The following ABL1 variants were observed in gnomAD, a reference collection of about 807,000 sequenced individuals.
The protein encoded by ABL1 is ABL proto-oncogene 1, non-receptor tyrosine kinase.
A neutral mutation model predicts 94.7 loss-of-function variants in ABL1; 11 were observed. The observed-to-expected ratio is 0.12, with a 90% CI of 0.07 to 0.19. The LOEUF (loss-of-function observed/expected upper bound fraction) is 0.19. Ranked by LOEUF, ABL1 falls within the 10% of genes least tolerant of loss-of-function variation. The probability of loss-of-function intolerance (pLI) is 1.00; values close to 1 mark genes in which losing one functional copy is unlikely to be tolerated. For synonymous variants in ABL1, 656 were observed against 622.4 expected (o/e 1.05, Z -0.80); for missense variants, 1,082 against 1,489.4 (o/e 0.73, Z 4.50).
chr9:130,730,431 G>T (rs1253752195), intron 1 of ABL1, among the ~76,000 whole-genome samples: 1 of 152,120 alleles, frequency 6.6e-6, no homozygotes, highest in Non-Finnish European at 1.5e-5. Flanking sequence ...GACTCATGAG[G>T]TTAAGCACCT....
At chr9:130,845,342 CCTTT>C (rs1830748465) in intron 1 of ABL1, among the ~76,000 whole-genome samples, 3 of 151,924 alleles carry the variant, frequency 2.0e-5, no homozygotes, top group Admixed American at 2.0e-4. Context: ...CAAATCTTAA[CCTTT>C]CTTTTTTTTT....
chr9:130,797,414 G>T (rs1588242534), intron 1 of ABL1, among the ~76,000 whole-genome samples: 1 of 152,158 alleles, frequency 6.6e-6, no homozygotes, highest in East Asian at 1.9e-4. Context: ...TCGCTCTATT[G>T]CCCAGGCTAG....
intron 1 of ABL1, among the ~76,000 whole-genome samples, chr9:130,838,791 C>G (rs1165636545): frequency 2.6e-5 from 4 of 152,246 alleles, no homozygotes; most frequent in African/African-American, 9.6e-5. Context: ...TTCATTTGTT[C>G]ATGTGTTTGT....
At chr9:130,750,921 A>G (rs1831957012) in intron 1 of ABL1, among the ~76,000 whole-genome samples, 1 of 151,524 alleles carries the variant, frequency 6.6e-6, no homozygotes, top group Admixed American at 6.6e-5. Context: ...CTGGGATTCC[A>G]GGTGTGAGCC....
chr9:130,714,060 C>G (rs1249519839), exon 1 of ABL1: 2 of 364,216 alleles, frequency 5.5e-6, no homozygotes, highest in Admixed American at 4.4e-5. Flanking sequence ...TAAAACAAAT[C>G]AAGAAACTTT....
chr9:130,873,209 C>G (rs1480492326), intron 6 of ABL1, among the ~76,000 whole-genome samples, 172 bp downstream of exon 6: 2 of 152,236 alleles, frequency 1.3e-5, no homozygotes, highest in Non-Finnish European at 2.9e-5. Context: ...GCAAAGCCAG[C>G]TTTGGGCATG....
chr9:130,854,103 A>G lies in ABL1; in HGVS notation c.119A>G (p.Gln40Arg), dbSNP rs2132956182. The change falls in exon 2 of 11, where the codon CAG becomes CGG. Residue 40 changes from glutamine (Q) to arginine (R), a missense_variant. Around this residue, in one of 7 missense-constraint regions of ABL1, gnomAD observed 65 missense variants for 80.8 expected, o/e 0.80. Transcript: ENST00000318560. ...QRPVASDFEP[Q>R]GLSEAARWNS... Reference sequence around the variant, plus strand: ...CCAGTAGCATCTGACTTTGAGCCTCAGGGTCTGAGTGAAGCCGCTCGTTGG... The same window carrying G: ...CCAGTAGCATCTGACTTTGAGCCTCGGGGTCTGAGTGAAGCCGCTCGTTGG... 1 of 1,614,038 alleles carries G rather than the reference A, an allele frequency of 6.2e-7. No homozygotes were observed. The highest frequency in any genetic ancestry group is 8.5e-7 in the Non-Finnish European group (1 of 1,180,004).
chr9:130,846,500 C>T (rs749394297), intron 1 of ABL1, among the ~76,000 whole-genome samples: 11 of 152,228 alleles, frequency 7.2e-5, no homozygotes, highest in Non-Finnish European at 1.2e-4. Context: ...ACGTTTGTCA[C>T]GTCTGACATG....
intron 3 of ABL1, among the ~76,000 whole-genome samples, chr9:130,856,521 C>A (rs576163688): frequency 6.6e-6 from 1 of 152,070 alleles, no homozygotes; most frequent in African/African-American, 2.4e-5. Flanking sequence ...TGTGCCCAGC[C>A]TATATTTTTT....
chr9:130,878,469 G>T lies in ABL1; in HGVS notation c.1325G>T (p.Gly442Val). Reference protein sequence around the residue: ...IATYGMSPYPGIDLSQVYELL... With the variant: ...IATYGMSPYPVIDLSQVYELL... ...ACCTATGGCATGTCCCCTTACCCGG[G>T]AATTGACCTGTCCCAGGTGTATGAG... The change falls in exon 8 of 11, where the codon GGA (glycine) becomes GTA (valine). Residue 442 changes from glycine (G) to valine (V), a missense_variant. Gly to Val is a moderately radical substitution (Grantham distance 109, BLOSUM62 -3). This residue lies in a region of ABL1 where 76 missense variants were observed against 177.1 expected (regional missense o/e 0.43). Coordinates refer to ENST00000318560, the MANE Select transcript of ABL1 (RefSeq NM_005157.6). 6.2e-7 allele frequency: 1 copy of T among 1,614,228 alleles called. No homozygotes were observed. Among genetic ancestry groups the T allele is most frequent in the Non-Finnish European group, 8.5e-7 (1 of 1,180,028 alleles).
chr9:130,876,025 A>T (rs1831335912), intron 7 of ABL1, among the ~76,000 whole-genome samples: 1 of 152,088 alleles, frequency 6.6e-6, no homozygotes, highest in Non-Finnish European at 1.5e-5. Flanking sequence ...ACGGGGTTTT[A>T]CCATGTTGGC....
At chr9:130,832,067 T>C (rs953977202), upstream of ABL1, among the ~76,000 whole-genome samples, 4 of 152,244 alleles carry the variant, frequency 2.6e-5, no homozygotes, top group African/African-American at 9.6e-5. Flanking sequence ...ATTATGCTTT[T>C]AGAAACATTG....
chr9:130,733,575 CTT>C (rs35185474), intron 1 of ABL1, among the ~76,000 whole-genome samples: 5 of 103,190 alleles, frequency 4.8e-5, no homozygotes, highest in East Asian at 6.2e-4. Context: ...CTGTAAAGCA[CTT>C]TTTTTTTTTT....
intron 1 of ABL1, among the ~76,000 whole-genome samples, chr9:130,736,243 C>G (rs1033761369): frequency 6.6e-6 from 1 of 151,882 alleles, no homozygotes; most frequent in African/African-American, 2.4e-5. Flanking sequence ...AGCCACCACA[C>G]CTGGCCTGTA....
At chr9:130,824,571 A>C (rs1830401825) in intron 1 of ABL1, among the ~76,000 whole-genome samples, 2 of 152,224 alleles carry the variant, frequency 1.3e-5, no homozygotes, top group South Asian at 4.1e-4. Flanking sequence ...GAATATGAAA[A>C]TAACTTAGAC....
At chr9:130,829,327 G>A (rs1005000871) in intron 1 of ABL1, among the ~76,000 whole-genome samples, 6 of 152,104 alleles carry the variant, frequency 3.9e-5, no homozygotes, top group Admixed American at 6.5e-5. Flanking sequence ...TTGGGAGGCC[G>A]AGGCGGGCAG....
rs2132997513 is a variant in ABL1, at chr9:130,873,000, G to A, written c.1048G>A (p.Ala350Thr). 6.2e-7 allele frequency: 1 copy of A among 1,614,130 alleles called. No homozygotes were observed. ...GTACATGGCCACTCAGATCTCGTCA[G>A]CCATGGAGTACCTGGAGAAGAAAAA... ...LLYMATQISS[A>T]MEYLEKKNFI... The change falls in exon 6 of 11, where the codon GCC (alanine) becomes ACC (threonine). Residue 350 changes from alanine (A) to threonine (T), a missense_variant. Physicochemically the swap from Ala to Thr is moderately conservative, Grantham distance 58. This residue lies in a region of ABL1 where 92 missense variants were observed against 212.3 expected (regional missense o/e 0.43). Coordinates refer to ENST00000318560, the MANE Select transcript of ABL1 (RefSeq NM_005157.6). The surrounding 1 kb of genome is among the most constrained non-coding windows in gnomAD (Gnocchi z 5.0).
intron 10 of ABL1, among the ~76,000 whole-genome samples, chr9:130,881,407 G>A (rs960361081): frequency 2.0e-5 from 3 of 152,146 alleles, no homozygotes; most frequent in Non-Finnish European, 2.9e-5. Context: ...AGGTTTCACT[G>A]ACTCACAGTT....
At chr9:130,801,632 G>C (rs1037012444) in intron 1 of ABL1, among the ~76,000 whole-genome samples, 1 of 152,218 alleles carries the variant, frequency 6.6e-6, no homozygotes, top group Non-Finnish European at 1.5e-5. Context: ...CGAGAGTATA[G>C]AGGTTGACAA....
Sources: allele counts gnomAD v4.1 joint callset (sites outside exome capture counted in the v4.1 genomes callset), GRCh38; gene constraint gnomAD v4.1.1; regional missense constraint gnomAD v4.1.1; non-coding constraint Gnocchi (gnomAD v3.1); transcripts MANE v1.5; gene names NCBI Gene and HGNC (gene_info 2026-07-23, HGNC 2026-07-21).